Variants in CNTLN observed in about 807,000 individuals in gnomAD.
CNTLN encodes centlein.
Under a neutral mutation model 180.0 loss-of-function variants are expected in CNTLN, and 212 were observed. The observed-to-expected ratio is 1.18, with a 90% CI of 1.05 to 1.32. The LOEUF (loss-of-function observed/expected upper bound fraction) is 1.32, where lower values mean the gene tolerates loss of function less well. Among genes scored for constraint, CNTLN ranks in the 40% most tolerant of loss-of-function variants. The pLI is 0.00. For synonymous variants in CNTLN, 722 were observed against 563.1 expected (o/e 1.28, Z -3.99); for missense variants, 2,095 against 1,610.9 (o/e 1.30, Z -5.14).
chr9:17,439,424 G>T (rs924806383), intron 18 of CNTLN, among the ~76,000 whole-genome samples: 1 of 152,188 alleles, frequency 6.6e-6, no homozygotes, highest in East Asian at 1.9e-4. Context: ...AATATCTGAT[G>T]CGAATTTATA....
chr9:17,366,730 A>C lies in CNTLN; in HGVS notation c.1987+13A>C. 3 of 1,349,490 alleles carry C rather than the reference A, an allele frequency of 2.2e-6. No individual in the cohort carries two copies. The highest frequency in any genetic ancestry group is 3.1e-6 in the Non-Finnish European group (3 of 959,174). 83.6% of individuals were successfully genotyped at this position (1,349,490 alleles called of 1,614,324 possible). On this transcript the variant is annotated intron_variant, in intron 13 of 25. Transcript: ENST00000380647. ...GAGAGAAGAGAAGGTAAATTTTCAG[A>C]AAATAAATACTTAACAGAGGAATTT...
At chr9:17,271,495 T>C (rs951264175) in intron 5 of CNTLN, among the ~76,000 whole-genome samples, 1 of 152,184 alleles carries the variant, frequency 6.6e-6, no homozygotes, top group Admixed American at 6.5e-5. Flanking sequence ...TTCATGAAAA[T>C]TGTTCTAGAT....
At chr9:17,424,874 C>G (rs1328522838) in intron 18 of CNTLN, among the ~76,000 whole-genome samples, 1 of 152,132 alleles carries the variant, frequency 6.6e-6, no homozygotes, top group Non-Finnish European at 1.5e-5. Context: ...GAACCATGCT[C>G]TTAGACTTCC....
chr9:17,311,532 G>A (rs1444932815), intron 8 of CNTLN, among the ~76,000 whole-genome samples: 1 of 150,548 alleles, frequency 6.6e-6, no homozygotes, highest in Non-Finnish European at 1.5e-5. Context: ...ATTGACGGCT[G>A]GGTGCGGTGG....
At chr9:17,214,544 C>G (rs1029966079) in intron 2 of CNTLN, among the ~76,000 whole-genome samples, 2 of 152,116 alleles carry the variant, frequency 1.3e-5, no homozygotes, top group African/African-American at 4.8e-5. Context: ...TGGAGTTGCT[C>G]TTCTCGAGGA....
chr9:17,171,845 G>C (rs1820440885), intron 2 of CNTLN, among the ~76,000 whole-genome samples: 2 of 152,134 alleles, frequency 1.3e-5, no homozygotes, highest in African/African-American at 4.8e-5. Context: ...CCAGGGTCCA[G>C]GACATTGTTA....
chr9:17,177,967 C>T (rs1372516787), intron 2 of CNTLN, among the ~76,000 whole-genome samples: 1 of 152,044 alleles, frequency 6.6e-6, no homozygotes, highest in African/African-American at 2.4e-5. Context: ...CATTTACAAT[C>T]CCTGAGCTAG....
chr9:17,169,021 C>A (rs1320938416), intron 2 of CNTLN, among the ~76,000 whole-genome samples: 1 of 151,934 alleles, frequency 6.6e-6, no homozygotes, highest in Non-Finnish European at 1.5e-5. Context: ...TTTAAGTGAC[C>A]GCATCTTGCT....
chr9:17,188,599 C>G (rs1265562305), intron 2 of CNTLN, among the ~76,000 whole-genome samples: 3 of 152,064 alleles, frequency 2.0e-5, no homozygotes, highest in Admixed American at 6.5e-5. Flanking sequence ...CAATGGGAAG[C>G]AAATAATTCA....
At chr9:17,357,236 T>G (rs1344000851) in intron 12 of CNTLN, among the ~76,000 whole-genome samples, 1 of 150,558 alleles carries the variant, frequency 6.6e-6, no homozygotes, top group Non-Finnish European at 1.5e-5. Flanking sequence ...TATACCACAT[T>G]TTGTTTATTC....
At chr9:17,518,241 G>T in the CNTLN span, among the ~76,000 whole-genome samples, 1 of 151,528 alleles carries the variant, frequency 6.6e-6, no homozygotes, top group African/African-American at 2.4e-5. Flanking sequence ...AGAGATGGGG[G>T]TTTCACCATG....
intron 8 of CNTLN, among the ~76,000 whole-genome samples, chr9:17,319,078 A>C (rs967034505): frequency 2.0e-5 from 3 of 152,238 alleles, no homozygotes; most frequent in Non-Finnish European, 4.4e-5. Flanking sequence ...CTTTTCAAGG[A>C]GCATGTTTAT....
intron 12 of CNTLN, among the ~76,000 whole-genome samples, chr9:17,361,007 C>A (rs1823340379): frequency 6.6e-6 from 1 of 152,098 alleles, no homozygotes; most frequent in Non-Finnish European, 1.5e-5. Context: ...CCATCAATTA[C>A]TGGGAGAGGT....
chr9:17,249,938 T>C (rs1826041417), intron 5 of CNTLN, among the ~76,000 whole-genome samples: 1 of 149,346 alleles, frequency 6.7e-6, no homozygotes, highest in Non-Finnish European at 1.5e-5. Flanking sequence ...CTTAATAACC[T>C]TCCATGTAGA....
chr9:17,155,962 A>C (rs1359046839), intron 2 of CNTLN, among the ~76,000 whole-genome samples: 1 of 152,056 alleles, frequency 6.6e-6, no homozygotes, highest in Non-Finnish European at 1.5e-5. Flanking sequence ...TCAGTCCTTC[A>C]TGGCTTCCCT....
intron 13 of CNTLN, among the ~76,000 whole-genome samples, chr9:17,383,735 T>G (rs558000263): frequency 6.6e-6 from 1 of 151,970 alleles, no homozygotes; most frequent in East Asian, 2.0e-4. Context: ...CCTCCTGGGT[T>G]CACGCCATTC....
intron 10 of CNTLN, among the ~76,000 whole-genome samples, chr9:17,335,994 T>A (rs1243862101): frequency 6.6e-6 from 1 of 151,578 alleles, no homozygotes; most frequent in African/African-American, 2.4e-5. Flanking sequence ...CCAAAGGAAG[T>A]ACTTAGTAAA....
intron 16 of CNTLN, among the ~76,000 whole-genome samples, chr9:17,414,963 G>A (rs2133878988): frequency 6.6e-6 from 1 of 152,170 alleles, no homozygotes; most frequent in Middle Eastern, 3.4e-3. Flanking sequence ...GGTGGTCCCT[G>A]TAGTCCCAGG....
chr9:17,140,748 T>C lies in CNTLN; in HGVS notation c.361-2540T>C, dbSNP rs191510399. Among the ~76,000 whole-genome samples, 833 of 152,320 alleles carry C rather than the reference T, an allele frequency of 5.5e-3. 6 individuals carry two copies. The highest frequency in any genetic ancestry group is 8.1e-3 in the Admixed American group (124 of 15,308). On this transcript the variant is annotated intron_variant, in intron 1 of 25. Transcript: ENST00000380647. ...CCCACTGTGCTCGCCCTAATGGTTA[T>C]GTTAATTAGCTTGATTTAACCATTC... is the stretch of plus-strand genomic sequence containing the variant.
Sources: gnomAD v4.1 joint callset for allele counts (sites outside exome capture counted in the v4.1 genomes callset) on GRCh38, gnomAD v4.1.1 for gene constraint, MANE v1.5 for transcripts, NCBI Gene and HGNC (gene_info 2026-07-23, HGNC 2026-07-21) for gene names.